Variants in GRM7 observed in about 807,000 individuals in gnomAD.
GRM7 encodes glutamate metabotropic receptor 7.
In GRM7, 35 loss-of-function variants were observed where a neutral mutation model predicts 84.5. The ratio of observed to expected loss-of-function variants is 0.41; its 90% CI spans 0.32 to 0.55. The LOEUF (loss-of-function observed/expected upper bound fraction) is 0.55, where lower values mean the gene tolerates loss of function less well. Ranked by LOEUF, GRM7 falls within the 20% of genes least tolerant of loss-of-function variation. The pLI is 0.19. For missense variants in GRM7, 1,003 were observed against 1,194.6 expected, an observed-to-expected ratio of 0.84 and a Z score of 2.36; for synonymous variants, 487 against 455.1, an observed-to-expected ratio of 1.07 and a Z score of -0.89.
chr3:7,318,110 A>G (rs545872292), intron 4 of GRM7, among the ~76,000 whole-genome samples: 4 of 152,248 alleles, frequency 2.6e-5, no homozygotes, highest in Admixed American at 6.5e-5. Flanking sequence ...GAAACGTCCT[A>G]TCTTTTGAAT....
chr3:7,372,799 G>A (rs991612014), intron 4 of GRM7, among the ~76,000 whole-genome samples: 3 of 152,048 alleles, frequency 2.0e-5, no homozygotes, highest in Admixed American at 6.6e-5. Flanking sequence ...TGTGGTGTAT[G>A]TGACAGGGGT....
chr3:7,430,802 G>T (rs1380693087), intron 5 of GRM7, among the ~76,000 whole-genome samples: 3 of 152,162 alleles, frequency 2.0e-5, no homozygotes, highest in Non-Finnish European at 2.9e-5. Context: ...TACAGATAGG[G>T]TATCCCTATG....
At chr3:7,005,723 AG>A (rs1376045210) in intron 1 of GRM7, among the ~76,000 whole-genome samples, 1 of 152,234 alleles carries the variant, frequency 6.6e-6, no homozygotes, top group Non-Finnish European at 1.5e-5. Flanking sequence ...GGCTTACTTC[AG>A]ATACAGAAAA....
chr3:7,571,426 G>C lies in GRM7; in HGVS notation c.1516-6996G>C, dbSNP rs139582352. Among the ~76,000 whole-genome samples the C allele has an allele frequency of 8.4e-3, 1,273 of 152,186 alleles. 15 individuals carry two copies. The highest frequency in any genetic ancestry group is 0.031 in the Middle Eastern group (9 of 292). On this transcript the variant is annotated intron_variant, in intron 7 of 9. Transcript: ENST00000357716. ...AGATACCCTAAATCATCTCTCTCAAGTTCAAAGTTCCACAAATCTCTAGGG... is the reference window on the plus strand; with the variant it reads ...AGATACCCTAAATCATCTCTCTCAACTTCAAAGTTCCACAAATCTCTAGGG...
chr3:7,418,039 A>T (rs958507517), intron 5 of GRM7, among the ~76,000 whole-genome samples: 1 of 152,186 alleles, frequency 6.6e-6, no homozygotes, highest in African/African-American at 2.4e-5. Flanking sequence ...TTCATACTTC[A>T]TAATTTTACT....
intron 6 of GRM7, among the ~76,000 whole-genome samples, chr3:7,457,487 AGC>A (rs1311691601): frequency 6.6e-6 from 1 of 152,208 alleles, no homozygotes; most frequent in Non-Finnish European, 1.5e-5. Flanking sequence ...CTCAAATAAT[AGC>A]TATAGAAAGA....
intron 4 of GRM7, among the ~76,000 whole-genome samples, chr3:7,335,992 A>G (rs1227156880): frequency 6.6e-6 from 1 of 152,046 alleles, no homozygotes; most frequent in Non-Finnish European, 1.5e-5. Flanking sequence ...ATTGGTACCA[A>G]TCCTATTGAA....
At chr3:7,157,947 G>A (rs1204940644) in intron 2 of GRM7, among the ~76,000 whole-genome samples, 2 of 152,094 alleles carry the variant, frequency 1.3e-5, no homozygotes, top group Non-Finnish European at 2.9e-5. Context: ...CGCACGCTGG[G>A]ATAAGGATGA....
rs760819535 is a variant in GRM7 at position 7,452,578 on chromosome 3, G to GTA, written c.1175-28_1175-27insAT. ...CCAATTTGTGTGTGTGTGTGTGTGTGTGTGTGTGTTTCTTGTTTTAATGTG... is the reference window on the plus strand; with the variant it reads ...CCAATTTGTGTGTGTGTGTGTGTGTGTATGTGTGTGTTTCTTGTTTTAATGTG... On this transcript the variant is annotated intron_variant, in intron 5 of 9. Coordinates refer to ENST00000357716, the MANE Select transcript of GRM7 (RefSeq NM_000844.4). The GTA allele has an allele frequency of 5.5e-6, 7 of 1,279,498 alleles. No individual in the cohort carries two copies. In the South Asian group the frequency reaches 7.2e-5, roughly 13 times the overall value. The allele number at this position is 1,279,498 out of a possible 1,614,324, so 79.3% of individuals were successfully genotyped here.
At chr3:7,005,215 T>A (rs924490866) in intron 1 of GRM7, among the ~76,000 whole-genome samples, 1 of 152,166 alleles carries the variant, frequency 6.6e-6, no homozygotes, top group African/African-American at 2.4e-5. Flanking sequence ...TACTCAGTAG[T>A]TCCTCTCAGG....
In GRM7 at chr3:7,319,772, C is replaced by T. The variant is rs1356223682; in HGVS notation, c.1033+13120C>T. Among the ~76,000 whole-genome samples, 3 of 151,954 alleles carry T rather than the reference C, an allele frequency of 2.0e-5. No homozygotes were observed. In the East Asian group the frequency reaches 5.8e-4, roughly 29 times the overall value. On this transcript the variant is annotated intron_variant, in intron 4 of 9. Transcript: ENST00000357716. ...ATACTGTTTGTTTTTCTCAACTGTT[C>T]TTTAGACATATTTCTTGATTTAAAG...
At chr3:7,372,445 A>G (rs953213852) in intron 4 of GRM7, among the ~76,000 whole-genome samples, 2 of 152,166 alleles carry the variant, frequency 1.3e-5, no homozygotes, top group African/African-American at 4.8e-5. Flanking sequence ...TTTTAGAACC[A>G]GAATTGTAGA....
intron 8 of GRM7, among the ~76,000 whole-genome samples, chr3:7,624,936 C>G (rs1697536959): frequency 1.3e-5 from 2 of 152,060 alleles, no homozygotes; most frequent in Admixed American, 1.3e-4. Flanking sequence ...GAGTCATCTC[C>G]AAGAATAAAT....
chr3:7,021,460 G>T (rs962059856), intron 1 of GRM7, among the ~76,000 whole-genome samples: 1 of 152,138 alleles, frequency 6.6e-6, no homozygotes. Context: ...ACCTAGAAAA[G>T]GTCACTTATG....
intron 2 of GRM7, among the ~76,000 whole-genome samples, chr3:7,263,566 G>A (rs187191548): frequency 4.9e-4 from 74 of 152,338 alleles, no homozygotes; most frequent in Non-Finnish European, 8.8e-4. Flanking sequence ...ACCAGCTACT[G>A]TGCATGGTCA....
intron 5 of GRM7, among the ~76,000 whole-genome samples, chr3:7,428,715 A>G (rs1696709741): frequency 6.6e-6 from 1 of 152,140 alleles, no homozygotes. Flanking sequence ...AAAGGGGAGA[A>G]CTTACAATGC....
chr3:7,645,362 C>T (rs369443273), intron 8 of GRM7, among the ~76,000 whole-genome samples: 11 of 151,900 alleles, frequency 7.2e-5, no homozygotes, highest in African/African-American at 2.7e-4. Flanking sequence ...TCCTGGCCAA[C>T]ATGGTGAAAC....
intron 8 of GRM7, among the ~76,000 whole-genome samples, chr3:7,652,666 C>CT (rs1698999640): frequency 1.3e-5 from 2 of 152,174 alleles, no homozygotes; most frequent in South Asian, 4.1e-4. Flanking sequence ...CAGGAATACG[C>CT]TTTCACAAGG....
Position 7,544,355 on chromosome 3 carries a change from C to A in GRM7, c.1516-34067C>A, listed in dbSNP as rs1416923846. 2.0e-5 allele frequency among the ~76,000 whole-genome samples: 3 copies of A among 152,188 alleles called. No individual in the cohort carries two copies. The East Asian group carries it at 5.8e-4, about 30-fold the overall frequency. On this transcript the variant is annotated intron_variant, in intron 7 of 9. Coordinates refer to ENST00000357716, the MANE Select transcript of GRM7 (RefSeq NM_000844.4). ...TTTTAAATTTCTTGAGAGATGAGGT[C>A]TTGCTATGTTATCTAGTCTCAAATT...
Sources: allele counts gnomAD v4.1 joint callset (sites outside exome capture counted in the v4.1 genomes callset), GRCh38; gene constraint gnomAD v4.1.1; transcripts MANE v1.5; gene names NCBI Gene and HGNC (gene_info 2026-07-23, HGNC 2026-07-21).